The following TAGLN variants were observed in gnomAD, a reference collection of about 807,000 sequenced individuals.
TAGLN encodes transgelin.
TAGLN carries 16 observed loss-of-function variants against 21.9 expected under a neutral mutation model. The observed-to-expected ratio is 0.73, with a 90% CI of 0.49 to 1.11. The LOEUF (loss-of-function observed/expected upper bound fraction) is 1.11, where lower values mean the gene tolerates loss of function less well. TAGLN is among the 50% of genes least tolerant of loss of function. TAGLN has a pLI of 0.00. For synonymous variants in TAGLN, 96 were observed against 94.9 expected, an observed-to-expected ratio of 1.01 and a Z score of -0.06; for missense variants, 248 against 263.2, an observed-to-expected ratio of 0.94 and a Z score of 0.40.
rs1280135457 is a variant in TAGLN, at chr11:117,203,517, CAGG to C, written c.358+38_358+40del. On this transcript the variant is annotated intron_variant, in intron 3 of 4. Coordinates refer to ENST00000392951, the MANE Select transcript of TAGLN (RefSeq NM_003186.5). The surrounding 1 kb of genome is among the most constrained non-coding windows in gnomAD (Gnocchi z 4.4). ...GGAAGAGGCTGGGGGAGGAGGTGGGCAGGAGGACAGGGTGCTGGGACAGGGAGA... is the reference window on the plus strand; with the variant it reads ...GGAAGAGGCTGGGGGAGGAGGTGGGCAGGACAGGGTGCTGGGACAGGGAGA... The C allele has an allele frequency of 4.4e-6, 7 of 1,607,334 alleles. No individual in the cohort carries two copies. The highest frequency in any genetic ancestry group is 1.7e-5 in the Admixed American group (1 of 59,828).
rs111983700 is a variant in TAGLN, at chr11:117,200,586, A to G, written c.-13+1154A>G. Among the ~76,000 whole-genome samples the G allele has an allele frequency of 6.8e-3, 1,028 of 152,252 alleles. 15 individuals are homozygous for G. The highest frequency in any genetic ancestry group is 0.024 in the African/African-American group (982 of 41,538). ...GGGAGGCTTCATCAGAGGACTCTAA[A>G]GGATTTCTGGGGATTCTCCACTTTT... On this transcript the variant is annotated intron_variant, in intron 1 of 4. Transcript: ENST00000392951.
rs1799862 is a variant in TAGLN at position 117,204,591 on chromosome 11, C to G, written c.*232C>G. On this transcript the variant is annotated 3_prime_UTR_variant, in exon 5 of 5. Coordinates refer to ENST00000392951, the MANE Select transcript of TAGLN (RefSeq NM_003186.5). ...CCTTGGCCCCTCCCTCCCGGCTGCC[C>G]CCATCACCTCTACTGTCTCCTCCCT... 1.3e-4 allele frequency: 85 copies of G among 650,878 alleles called. No individual in the cohort carries two copies. The highest frequency in any genetic ancestry group is 8.1e-4 in the Middle Eastern group (2 of 2,458). 40.3% of individuals were successfully genotyped at this position (650,878 alleles called of 1,614,324 possible).
chr11:117,206,056 G>GGGC lies in TAGLN; in HGVS notation c.*1699_*1701dup. 1 of 1,426,976 alleles carries GGGC rather than the reference G, an allele frequency of 7.0e-7. No individual in the cohort carries two copies. The highest frequency in any genetic ancestry group is 9.7e-7 in the Non-Finnish European group (1 of 1,030,576). 88.4% of individuals were successfully genotyped at this position (1,426,976 alleles called of 1,614,324 possible). A position where few individuals can be genotyped will look rare whatever the true frequency, so the allele number is the denominator to read the frequency against. On this transcript the variant is annotated 3_prime_UTR_variant, in exon 5 of 5. Coordinates refer to ENST00000392951, the MANE Select transcript of TAGLN (RefSeq NM_003186.5). ...TCTAGGTGCTGATGAGGGCAGTCCAGGGCGCTCTTGTTCTGGGACAGGCTC... is the reference window on the plus strand; with the variant it reads ...TCTAGGTGCTGATGAGGGCAGTCCAGGGCGGCGCTCTTGTTCTGGGACAGGCTC...
chr11:117,204,330 T>C lies in TAGLN; in HGVS notation c.577T>C (p.Tyr193His). Residue 193 changes from tyrosine to histidine, a missense_variant, in exon 5 of 5, where the codon TAC becomes CAC. Physicochemically the swap from Tyr to His is moderately conservative, Grantham distance 83 (BLOSUM62 2). Transcript: ENST00000392951. ...GGCCTCCCAGGCCGGCATGACAGGC[T>C]ACGGACGACCTCGGCAGATCATCAG... ...RGASQAGMTG[Y>H]GRPRQIIS 3 of 1,614,234 alleles carry C rather than the reference T, an allele frequency of 1.9e-6. No individual in the cohort carries two copies. The highest frequency in any genetic ancestry group is 8.5e-7 in the Non-Finnish European group (1 of 1,180,044).
chr11:117,204,337 G>T lies in TAGLN; in HGVS notation c.584G>T (p.Arg195Leu). 1.9e-6 allele frequency: 3 copies of T among 1,614,206 alleles called. No homozygotes were observed. The highest frequency in any genetic ancestry group is 1.1e-5 in the South Asian group (1 of 91,082). ...CAGGCCGGCATGACAGGCTACGGAC[G>T]ACCTCGGCAGATCATCAGTTAGAGC... ...ASQAGMTGYG[R>L]PRQIIS is the part of the protein sequence containing the mutation. The change falls in exon 5 of 5, where the codon CGA (arginine) becomes CTA (leucine). Residue 195 changes from arginine to leucine, a missense_variant. By Grantham distance (102) the Arg-to-Leu change is moderately radical. Transcript: ENST00000392951.
rs756423771 is a variant in TAGLN, at chr11:117,203,308, T to C, written c.182T>C (p.Ile61Thr). Residue 61 changes from isoleucine to threonine, a missense_variant and splice_region_variant, in exon 3 of 5, where the codon ATT (isoleucine) becomes ACT (threonine). Ile to Thr is a moderately conservative substitution (Grantham distance 89). Transcript: ENST00000392951. The surrounding 1 kb of genome is among the most constrained non-coding windows in gnomAD (Gnocchi z 4.4). Reference protein sequence around the residue: ...GFQVWLKNGVILSKLVNSLYP... With the variant: ...GFQVWLKNGVTLSKLVNSLYP... ...CGTCCTATGCCCTATGCCTGGTAGA[T>C]TCTGAGCAAGCTGGTGAACAGCCTG... 6.8e-6 allele frequency: 11 copies of C among 1,614,006 alleles called. No individual in the cohort carries two copies. In the African/African-American group the frequency reaches 1.5e-4, roughly 22 times the overall value.
At position 117,206,973 on chromosome 11, in the gene TAGLN, G is replaced by C. The variant is rs1369608584; in HGVS notation, c.*2614G>C. On this transcript the variant is annotated 3_prime_UTR_variant, in exon 5 of 5. Coordinates refer to ENST00000392951, the MANE Select transcript of TAGLN (RefSeq NM_003186.5). ...CATCTACCGGCTTGACGCTGGAACTGGGAAGCACAGCTGGGGTTCAGAGGG... is the reference window on the plus strand; with the variant it reads ...CATCTACCGGCTTGACGCTGGAACTCGGAAGCACAGCTGGGGTTCAGAGGG... 4.2e-6 allele frequency: 6 copies of C among 1,437,786 alleles called. 1 individual carries two copies. In the South Asian group the frequency reaches 5.9e-5, roughly 14 times the overall value. 89.1% of individuals were successfully genotyped at this position (1,437,786 alleles called of 1,614,324 possible).
Position 117,204,476 on chromosome 11 carries a change from GCT to G in TAGLN, c.*120_*121del, listed in dbSNP as rs564987822. On this transcript the variant is annotated 3_prime_UTR_variant, in exon 5 of 5. Coordinates refer to ENST00000392951, the MANE Select transcript of TAGLN (RefSeq NM_003186.5). Reference sequence around the variant, plus strand: ...CCTTCAGCCCTGGCCAAGCTTTGAGGCTCTGTCACTGAGCAATGGTAACTGCA... The same window carrying G: ...CCTTCAGCCCTGGCCAAGCTTTGAGGCTGTCACTGAGCAATGGTAACTGCA... The G allele has an allele frequency of 1.9e-4, 289 of 1,493,796 alleles. 1 individual carries two copies. In the African/African-American group the frequency reaches 3.6e-3, roughly 19 times the overall value. The allele number at this position is 1,493,796 out of a possible 1,614,324, so 92.5% of individuals were successfully genotyped here.
intron 1 of TAGLN, chr11:117,200,433 CAGG>C (rs1053731191): frequency 3.3e-5 from 5 of 152,454 alleles, no homozygotes; most frequent in Admixed American, 3.3e-4. Flanking sequence ...GGGGTCCTGG[CAGG>C]AGCCACAGGG....
Position 117,203,923 on chromosome 11 carries a change from T to TGG in TAGLN, c.461+41_461+42dup. On this transcript the variant is annotated intron_variant, in intron 4 of 4. Coordinates refer to ENST00000392951, the MANE Select transcript of TAGLN (RefSeq NM_003186.5). This position sits in a 1 kb window ranked among gnomAD's most constrained non-coding sequence, Gnocchi z 4.4. ...AGGGAGCTTGGGTCTCCGCATGGGG[T>TGG]GGGAGGTGGCTTGTTCTAAGGAGCT... 1 of 1,552,860 alleles carries TGG rather than the reference T, an allele frequency of 6.4e-7. No homozygotes were observed. Among genetic ancestry groups the TGG allele is most frequent in the Non-Finnish European group, 8.9e-7 (1 of 1,124,858 alleles).
chr11:117,201,007 A>G (rs1297047260), intron 1 of TAGLN, among the ~76,000 whole-genome samples: 1 of 152,140 alleles, frequency 6.6e-6, no homozygotes, highest in East Asian at 1.9e-4. Context: ...CAGGGCTACC[A>G]AAATCACCTG....
chr11:117,200,058 G>A (rs566449846), intron 1 of TAGLN, among the ~76,000 whole-genome samples: 7 of 151,628 alleles, frequency 4.6e-5, no homozygotes, highest in Admixed American at 6.6e-5. Context: ...GGTGGGGGGC[G>A]GGTACTGCCA....
In TAGLN at chr11:117,205,644, A is replaced by G; in HGVS notation, c.*1285A>G. 1 of 260,840 alleles carries G rather than the reference A, an allele frequency of 3.8e-6. No individual in the cohort carries two copies. The highest frequency in any genetic ancestry group is 7.3e-6 in the Non-Finnish European group (1 of 137,422). The allele number at this position is 260,840 out of a possible 1,614,324, so 16.2% of individuals were successfully genotyped here. Reference sequence around the variant, plus strand: ...ATTGAGATGCGCTCCTGGCTATGGCAGGCACCTTCTCAACTTATATGTGGG... The same window carrying G: ...ATTGAGATGCGCTCCTGGCTATGGCGGGCACCTTCTCAACTTATATGTGGG... On this transcript the variant is annotated 3_prime_UTR_variant, in exon 5 of 5. Transcript: ENST00000392951.
In TAGLN at chr11:117,203,484, G is replaced by C; in HGVS notation, c.358G>C (p.Gly120Arg). Reference sequence around the variant, plus strand: ...GTTCCAGACTGTTGACCTCTTTGAAGGTAGAGAGGAAGAGGCTGGGGGAGG... The same window carrying C: ...GTTCCAGACTGTTGACCTCTTTGAACGTAGAGAGGAAGAGGCTGGGGGAGG... The part of the protein sequence containing the change: ...DMFQTVDLFE[G>R]KDMAAVQRTL... The change falls in exon 3 of 5, where the codon GGC (glycine) becomes CGC (arginine). Residue 120 changes from glycine (G) to arginine (R), a missense_variant and splice_region_variant. By Grantham distance (125) the Gly-to-Arg change is moderately radical. Coordinates refer to ENST00000392951, the MANE Select transcript of TAGLN (RefSeq NM_003186.5). This position sits in a 1 kb window ranked among gnomAD's most constrained non-coding sequence, Gnocchi z 4.4. 6.2e-7 allele frequency: 1 copy of C among 1,613,196 alleles called. No individual in the cohort carries two copies. The highest frequency in any genetic ancestry group is 1.7e-5 in the Admixed American group (1 of 60,008).
At position 117,204,593 on chromosome 11, in the gene TAGLN, C is replaced by T. The variant is rs2031258518; in HGVS notation, c.*234C>T. 1.5e-6 allele frequency: 1 copy of T among 648,520 alleles called. No homozygotes were observed. The highest frequency in any genetic ancestry group is 2.1e-5 in the Admixed American group (1 of 46,928). 40.2% of individuals were successfully genotyped at this position (648,520 alleles called of 1,614,324 possible). A position where few individuals can be genotyped will look rare whatever the true frequency, so the allele number is the denominator to read the frequency against. ...TTGGCCCCTCCCTCCCGGCTGCCCC[C>T]ATCACCTCTACTGTCTCCTCCCTGG... On this transcript the variant is annotated 3_prime_UTR_variant, in exon 5 of 5. Coordinates refer to ENST00000392951, the MANE Select transcript of TAGLN (RefSeq NM_003186.5).
At position 117,204,725 on chromosome 11, in the gene TAGLN, C is replaced by G. The variant is rs2031266780; in HGVS notation, c.*366C>G. Reference sequence around the variant, plus strand: ...AAGAAGAACCAGCCCAGCCTGCCCCCTATCTTGTCCTGGAATATTTTTGGG... The same window carrying G: ...AAGAAGAACCAGCCCAGCCTGCCCCGTATCTTGTCCTGGAATATTTTTGGG... On this transcript the variant is annotated 3_prime_UTR_variant, in exon 5 of 5. Coordinates refer to ENST00000392951, the MANE Select transcript of TAGLN (RefSeq NM_003186.5). 5 of 318,594 alleles carry G rather than the reference C, an allele frequency of 1.6e-5. No individual in the cohort carries two copies. The South Asian group carries it at 2.1e-4, about 13-fold the overall frequency. 19.7% of individuals were successfully genotyped at this position (318,594 alleles called of 1,614,324 possible).
At chr11:117,201,149 C>G (rs888701501) in intron 1 of TAGLN, 3 of 152,322 alleles carry the variant, frequency 2.0e-5, no homozygotes, top group African/African-American at 7.2e-5. Flanking sequence ...GAACAGAGCA[C>G]TCTGCCTTTG....
chr11:117,200,742 C>T (rs1251813760), intron 1 of TAGLN, among the ~76,000 whole-genome samples: 1 of 152,104 alleles, frequency 6.6e-6, no homozygotes, highest in African/African-American at 2.4e-5. Context: ...GCGTTGTGTA[C>T]CTGTCACCCT....
chr11:117,206,127 G>C lies in TAGLN; in HGVS notation c.*1768G>C, dbSNP rs148634347. Reference sequence around the variant, plus strand: ...GTCTGGGGCAAGGAGGTCAGAGGTGGTGGGAGGGCCCCTGCTCTCTGTTTC... The same window carrying C: ...GTCTGGGGCAAGGAGGTCAGAGGTGCTGGGAGGGCCCCTGCTCTCTGTTTC... On this transcript the variant is annotated 3_prime_UTR_variant, in exon 5 of 5. Coordinates refer to ENST00000392951, the MANE Select transcript of TAGLN (RefSeq NM_003186.5). 8 of 1,602,264 alleles carry C rather than the reference G, an allele frequency of 5.0e-6. No homozygotes were observed. The highest frequency in any genetic ancestry group is 6.8e-6 in the Non-Finnish European group (8 of 1,171,784).
Sources: allele counts gnomAD v4.1 joint callset (sites outside exome capture counted in the v4.1 genomes callset), GRCh38; gene constraint gnomAD v4.1.1; non-coding constraint Gnocchi (gnomAD v3.1); transcripts MANE v1.5; gene names NCBI Gene and HGNC (gene_info 2026-07-23, HGNC 2026-07-21).